SPATA31G1: variants seen among roughly 807,000 people sequenced by gnomAD.
SPATA31G1 encodes the protein SPATA31 subfamily G member 1, also known as spermatogenesis-associated protein 31G1.
chr9:35,043,642 C>G, the SPATA31G1 span: 17 of 1,614,092 alleles, frequency 1.1e-5, no homozygotes, highest in Admixed American at 1.7e-5. Flanking sequence ...GCTTTTGAGC[C>G]TCCGATGCCA....
chr9:35,042,696 A>T, the SPATA31G1 span: 1 of 1,158,876 alleles, frequency 8.6e-7, no homozygotes, highest in East Asian at 2.4e-5. Context: ...GGACTGGGTA[A>T]TGACCATTAA....
the SPATA31G1 span, chr9:35,043,033 C>T: frequency 1.2e-6 from 2 of 1,614,042 alleles, no homozygotes; most frequent in Non-Finnish European, 1.7e-6. Context: ...GCCACTCCAG[C>T]CCCACCCCAG....
At chr9:35,045,784 A>C in the SPATA31G1 span, 5 of 1,614,126 alleles carry the variant, frequency 3.1e-6, no homozygotes, top group South Asian at 5.5e-5. Context: ...CCTACCCTCA[A>C]GGCTTCCCTT....
the SPATA31G1 span, chr9:35,044,318 C>G: frequency 1.2e-6 from 2 of 1,614,160 alleles, no homozygotes; most frequent in African/African-American, 2.7e-5. Context: ...TGGCCCTCAG[C>G]CCACCCCCAG....
At chr9:35,042,933 G>C in the SPATA31G1 span, 1 of 1,614,192 alleles carries the variant, frequency 6.2e-7, no homozygotes, top group South Asian at 1.1e-5. Context: ...GGAGGAAGAA[G>C]GGGAAGAAGA....
the SPATA31G1 span, chr9:35,044,509 T>C: frequency 1.6e-5 from 26 of 1,614,072 alleles, no homozygotes; most frequent in Admixed American, 2.2e-4. Flanking sequence ...CAGTCTATTG[T>C]AGGGGAAATG....
chr9:35,045,355 C>G, the SPATA31G1 span: 5 of 1,613,942 alleles, frequency 3.1e-6, no homozygotes, highest in Non-Finnish European at 4.2e-6. Context: ...CACATGGAGG[C>G]TGGTGTGGAC....
chr9:35,044,585 T>G, the SPATA31G1 span: 1 of 1,614,126 alleles, frequency 6.2e-7, no homozygotes, highest in Non-Finnish European at 8.5e-7. Flanking sequence ...CAAACTCTGT[T>G]TCAAAGTCCC....
the SPATA31G1 span, chr9:35,042,440 G>C: frequency 3.1e-6 from 5 of 1,614,244 alleles, no homozygotes; most frequent in Non-Finnish European, 4.2e-6. Context: ...TTGGGAGGTT[G>C]CGACAGCTTC....
At chr9:35,045,446 A>G in the SPATA31G1 span, 1 of 1,614,144 alleles carries the variant, frequency 6.2e-7, no homozygotes, top group Non-Finnish European at 8.5e-7. Context: ...CTTCAGCCTC[A>G]TCCTCAGCCA....
the SPATA31G1 span, chr9:35,042,593 G>A: frequency 1.3e-6 from 2 of 1,520,548 alleles, no homozygotes; most frequent in East Asian, 2.3e-5. Context: ...CTAGATGTGA[G>A]GCTGGGTGAG....
the SPATA31G1 span, chr9:35,044,761 AAAGAG>A: frequency 6.2e-7 from 1 of 1,614,102 alleles, no homozygotes; most frequent in East Asian, 2.2e-5. Flanking sequence ...AATGTGCAAC[AAAGAG>A]AAGTTCCCCA....
the SPATA31G1 span, chr9:35,044,777 A>G: frequency 1.9e-6 from 3 of 1,613,768 alleles, no homozygotes; most frequent in Non-Finnish European, 2.5e-6. Context: ...AAGTTCCCCA[A>G]GGCCCCAGCC....
At chr9:35,044,981 T>TAG in the SPATA31G1 span, 1 of 1,613,838 alleles carries the variant, frequency 6.2e-7, no homozygotes, top group Non-Finnish European at 8.5e-7. Context: ...GGCAGTGGAG[T>TAG]AGAGAGCTGA....
the SPATA31G1 span, chr9:35,042,415 A>G: frequency 1.9e-6 from 3 of 1,614,260 alleles, no homozygotes; most frequent in Non-Finnish European, 2.5e-6. Context: ...TGGCAGATTC[A>G]GAGATGGTGG....
At chr9:35,042,578 A>C in the SPATA31G1 span, 1 of 1,579,622 alleles carries the variant, frequency 6.3e-7, no homozygotes, top group Non-Finnish European at 8.6e-7. Flanking sequence ...GAGTGACTAT[A>C]AGCCCTAGAT....
At chr9:35,044,178 C>G in the SPATA31G1 span, 1 of 1,614,128 alleles carries the variant, frequency 6.2e-7, no homozygotes, top group Middle Eastern at 1.6e-4. Flanking sequence ...AGACCCTGTT[C>G]ATAGCACACC....
the SPATA31G1 span, chr9:35,042,346 G>A: frequency 1.9e-6 from 3 of 1,614,246 alleles, no homozygotes; most frequent in Non-Finnish European, 2.5e-6. Context: ...TGCAGACACT[G>A]CGGCAGCAGC....
the SPATA31G1 span, chr9:35,044,966 T>C: frequency 1.2e-6 from 2 of 1,614,042 alleles, no homozygotes; most frequent in Non-Finnish European, 1.7e-6. Flanking sequence ...CTGGGATCCA[T>C]GCCTGGCAGT....
Sources: allele counts gnomAD v4.1 joint callset, GRCh38; gene constraint gnomAD v4.1.1; transcripts MANE v1.5; gene names NCBI Gene and HGNC (gene_info 2026-07-23, HGNC 2026-07-21).